PGAP1: variants seen among roughly 807,000 people sequenced by gnomAD.
The protein encoded by PGAP1 is post-GPI attachment to proteins inositol deacylase 1.
A neutral mutation model predicts 127.0 loss-of-function variants in PGAP1; 76 were observed. The ratio of observed to expected loss-of-function variants is 0.60; its 90% confidence interval spans 0.50 to 0.72. The LOEUF (loss-of-function observed/expected upper bound fraction) is 0.72. Among genes scored for constraint, PGAP1 ranks in the 30% least tolerant of loss-of-function variants. PGAP1 has a pLI of 0.00. For missense variants in PGAP1, 982 were observed against 1,071.3 expected, an observed-to-expected ratio of 0.92 and a Z score of 1.16; for synonymous variants, 362 against 366.5, an observed-to-expected ratio of 0.99 and a Z score of 0.14.
intron 2 of PGAP1, among the ~76,000 whole-genome samples, chr2:196,916,987 A>T (rs917187366): frequency 6.6e-6 from 1 of 152,194 alleles, no homozygotes; most frequent in Non-Finnish European, 1.5e-5. Context: ...CACTTGGTTT[A>T]GATACTCACG....
chr2:196,898,502 A>G, intron 5 of PGAP1, 133 bp from the exon 6 acceptor site: 1 of 551,086 alleles, frequency 1.8e-6, no homozygotes, highest in Non-Finnish European at 3.2e-6. Flanking sequence ...GACATTTTTA[A>G]ATGATATTCT....
At chr2:196,914,708 A>G (rs1046236979) in intron 3 of PGAP1, among the ~76,000 whole-genome samples, 1 of 151,798 alleles carries the variant, frequency 6.6e-6, no homozygotes, top group Non-Finnish European at 1.5e-5. Flanking sequence ...CAATTTCTCA[A>G]CTTCCATACA....
intron 7 of PGAP1, 48 bp from the exon 8 acceptor site, chr2:196,893,293 T>C: frequency 2.0e-6 from 2 of 1,022,704 alleles, no homozygotes; most frequent in Non-Finnish European, 3.0e-6. Context: ...TCTATTGTAA[T>C]AGCTTGATGA....
Position 196,880,087 on chromosome 2 carries a change from G to C in PGAP1, c.1339C>G (p.Arg447Gly). 6.2e-7 allele frequency: 1 copy of C among 1,601,988 alleles called. No homozygotes were observed. ...SHLVVYVPSV[R>G]GSKFVVDCEF... ...AACCCACTTGTTACCTTACTTCCAC[G>C]AACAGATGGTACATAAACAACAAGA... Residue 447 changes from arginine (R) to glycine (G), a missense_variant, in exon 13 of 27, where the codon CGT becomes GGT. Physicochemically the swap from Arg to Gly is moderately radical, Grantham distance 125. Coordinates refer to ENST00000354764, the MANE Select transcript of PGAP1 (RefSeq NM_024989.4).
At chr2:196,857,287 A>C (rs1357579019) in intron 20 of PGAP1, among the ~76,000 whole-genome samples, 2 of 152,250 alleles carry the variant, frequency 1.3e-5, no homozygotes, top group East Asian at 3.8e-4. Context: ...AACTCCTAAC[A>C]GTTTAATGCT....
intron 19 of PGAP1, among the ~76,000 whole-genome samples, chr2:196,869,432 T>TCA (rs1701341448): frequency 6.6e-6 from 1 of 152,252 alleles, no homozygotes; most frequent in African/African-American, 2.4e-5. Flanking sequence ...ACCTCTGGGT[T>TCA]CACGCCATTC....
chr2:196,890,645 T>C (rs2125817433), intron 10 of PGAP1, among the ~76,000 whole-genome samples, 183 bp downstream of exon 10: 1 of 152,212 alleles, frequency 6.6e-6, no homozygotes, highest in African/African-American at 2.4e-5. Context: ...CTTAATAGCA[T>C]AGTATCTGTG....
chr2:196,887,067 C>A (rs1368517980), intron 10 of PGAP1, among the ~76,000 whole-genome samples: 1 of 152,186 alleles, frequency 6.6e-6, no homozygotes, highest in African/African-American at 2.4e-5. Context: ...GATGGAAATG[C>A]TGCAGAGATG....
chr2:196,839,949 A>G lies in PGAP1; in HGVS notation c.*1285T>C, dbSNP rs893264603. 2.0e-5 allele frequency: 3 copies of G among 152,254 alleles called. No homozygotes were observed. Among genetic ancestry groups the G allele is most frequent in the African/African-American group, 4.8e-5 (2 of 41,462 alleles). 9.4% of individuals were successfully genotyped at this position (152,254 alleles called of 1,614,324 possible). On this transcript the variant is annotated 3_prime_UTR_variant, in exon 27 of 27. Transcript: ENST00000354764. ...GGATTTGGGCATTTACAGTCTACACATCTAGAAGAACTCTATAAGCCGGGT... is the reference window on the plus strand; with the variant it reads ...GGATTTGGGCATTTACAGTCTACACGTCTAGAAGAACTCTATAAGCCGGGT...
intron 10 of PGAP1, among the ~76,000 whole-genome samples, chr2:196,888,942 G>A (rs904391427): frequency 2.0e-5 from 3 of 152,020 alleles, no homozygotes; most frequent in African/African-American, 4.8e-5. Flanking sequence ...GAATGACAGA[G>A]TATTGATAAC....
chr2:196,912,580 T>TA lies in PGAP1; in HGVS notation c.649+301dup, dbSNP rs531959600. ...GGGAGAAAGAGCAAGACCCTGTCTTTAAAAAAAAAAAAAAAAAAAAAAAAA... is the reference window on the plus strand; with the variant it reads ...GGGAGAAAGAGCAAGACCCTGTCTTTAAAAAAAAAAAAAAAAAAAAAAAAAA... On this transcript the variant is annotated intron_variant, in intron 4 of 26. Coordinates refer to ENST00000354764, the MANE Select transcript of PGAP1 (RefSeq NM_024989.4). 0.035 allele frequency among the ~76,000 whole-genome samples: 2,913 copies of TA among 82,362 alleles called. 93 individuals are homozygous for TA. Among genetic ancestry groups the TA allele is most frequent in the East Asian group, 0.044 (116 of 2,662 alleles). 54.0% of individuals were successfully genotyped at this position (82,362 alleles called of 152,430 possible). A position where few individuals can be genotyped will look rare whatever the true frequency, so the allele number is the denominator to read the frequency against.
At chr2:196,856,299 T>A (rs1700880893) in intron 20 of PGAP1, among the ~76,000 whole-genome samples, 1 of 152,218 alleles carries the variant, frequency 6.6e-6, no homozygotes, top group African/African-American at 2.4e-5. Flanking sequence ...ATTACAGGCA[T>A]GAGCCACCAT....
intron 20 of PGAP1, among the ~76,000 whole-genome samples, chr2:196,858,839 T>C (rs995921426): frequency 6.6e-6 from 1 of 151,940 alleles, no homozygotes; most frequent in Non-Finnish European, 1.5e-5. Flanking sequence ...AGAGAGAAGA[T>C]GCAAATAAAA....
At chr2:196,841,908 AGTCT>A (rs1176073765) in intron 26 of PGAP1, among the ~76,000 whole-genome samples, 1 of 152,188 alleles carries the variant, frequency 6.6e-6, no homozygotes, top group Admixed American at 6.5e-5. Context: ...AGTTTTATTT[AGTCT>A]TTCTAATTTT....
At chr2:196,917,133 C>A (rs1044513498) in intron 2 of PGAP1, among the ~76,000 whole-genome samples, 13 of 152,178 alleles carry the variant, frequency 8.5e-5, no homozygotes, top group African/African-American at 2.7e-4. Flanking sequence ...ACACTATTAT[C>A]TCTTATCTGA....
chr2:196,847,288 G>T, intron 21 of PGAP1, 88 bp from the exon 22 acceptor site: 1 of 943,368 alleles, frequency 1.1e-6, no homozygotes, highest in Non-Finnish European at 1.6e-6. Flanking sequence ...ATTCAAGAGA[G>T]TCTCTAAAGT....
At chr2:196,899,865 C>T (rs1005195476) in intron 5 of PGAP1, among the ~76,000 whole-genome samples, 2 of 152,114 alleles carry the variant, frequency 1.3e-5, no homozygotes. Context: ...GAAACCGCAT[C>T]TCTACTAAAA....
At chr2:196,856,083 G>A (rs1356125674) in intron 20 of PGAP1, among the ~76,000 whole-genome samples, 2 of 152,056 alleles carry the variant, frequency 1.3e-5, no homozygotes, top group African/African-American at 4.8e-5. Flanking sequence ...GCATGATCTC[G>A]GCTCACTGAA....
chr2:196,916,343 A>G, intron 3 of PGAP1, 75 bp downstream of exon 3: 1 of 1,316,206 alleles, frequency 7.6e-7, no homozygotes, highest in East Asian at 2.6e-5. Flanking sequence ...TACATGATTT[A>G]AAGTATACTG....
Sources: allele counts gnomAD v4.1 joint callset (sites outside exome capture counted in the v4.1 genomes callset), GRCh38; gene constraint gnomAD v4.1.1; transcripts MANE v1.5; gene names NCBI Gene and HGNC (gene_info 2026-07-23, HGNC 2026-07-21).